Variants in PHACTR2 observed in about 807,000 individuals in gnomAD.
The protein encoded by PHACTR2 is phosphatase and actin regulator 2, also known as chromosome 6 open reading frame 56.
A neutral mutation model predicts 76.0 loss-of-function variants in PHACTR2; 30 were observed. The ratio of observed to expected loss-of-function variants is 0.39; its 90% CI spans 0.30 to 0.54. The LOEUF is 0.54. Among genes scored for constraint, PHACTR2 ranks in the 20% least tolerant of loss-of-function variants. The pLI is 0.61. For missense variants in PHACTR2, 696 were observed against 781.1 expected (o/e 0.89, Z 1.30); for synonymous variants, 292 against 292.5 (o/e 1.00, Z 0.02).
At chr6:143,560,909 GT>G (rs1562684416) in intron 1 of PHACTR2, among the ~76,000 whole-genome samples, 3 of 151,164 alleles carry the variant, frequency 2.0e-5, no homozygotes, top group African/African-American at 7.3e-5. Context: ...GTGTGTGTGT[GT>G]GTGTGTGTGT....
rs115015674 is a variant in PHACTR2, at chr6:143,817,160, A to G, written c.1923-6514A>G. 2.2e-3 allele frequency among the ~76,000 whole-genome samples: 330 copies of G among 149,078 alleles called. 1 individual carries two copies. Among genetic ancestry groups the G allele is most frequent in the African/African-American group, 7.9e-3 (318 of 40,334 alleles). Reference sequence around the variant, plus strand: ...ATTTCATTTACCTTCTTCATCCCACAGACATTACCAATGGAGAGAGAAAAC... The same window carrying G: ...ATTTCATTTACCTTCTTCATCCCACGGACATTACCAATGGAGAGAGAAAAC... On this transcript the variant is annotated intron_variant, in intron 12 of 12. Coordinates refer to ENST00000440869, the MANE Select transcript of PHACTR2 (RefSeq NM_001100164.2).
At position 143,765,653 on chromosome 6, in the gene PHACTR2, A is replaced by G. The variant is rs1028392259; in HGVS notation, c.1087A>G (p.Thr363Ala). The part of the protein sequence containing the change: ...LEDQCITASD[T>A]PVVLVSVGAD... The stretch of plus-strand genomic sequence containing the variant: ...GGATCAGTGCATTACTGCCTCAGAC[A>G]CTCCAGTTGTCCTCGTCAGCGTTGG... Residue 363 changes from threonine to alanine, a missense_variant, in exon 6 of 13, where the codon ACT becomes GCT. By Grantham distance (58) the Thr-to-Ala change is moderately conservative. Around this residue, in one of 2 missense-constraint regions of PHACTR2, gnomAD observed 460 missense variants for 450.9 expected, o/e 1.02. Transcript: ENST00000440869. The surrounding 1 kb of genome is among the most constrained non-coding windows in gnomAD (Gnocchi z 4.1). The G allele has an allele frequency of 5.0e-6, 8 of 1,613,582 alleles. No homozygotes were observed. In the African/African-American group the frequency reaches 9.4e-5, roughly 19 times the overall value.
chr6:143,600,149 C>T (rs1346348482), intron 1 of PHACTR2, among the ~76,000 whole-genome samples: 1 of 152,228 alleles, frequency 6.6e-6, no homozygotes, highest in African/African-American at 2.4e-5. Context: ...TGGAGGGGAA[C>T]TTGCTATGTT....
At position 143,708,836 on chromosome 6, in the gene PHACTR2, G is replaced by A. The variant is rs1014528996; in HGVS notation, c.47-3180G>A. 1.3e-5 allele frequency among the ~76,000 whole-genome samples: 2 copies of A among 152,182 alleles called. No individual in the cohort carries two copies. Among genetic ancestry groups the A allele is most frequent in the Non-Finnish European group, 2.9e-5 (2 of 68,028 alleles). ...TGTTCTTAATTGCTTCAGAGGGAAA[G>A]TAGAATTTTTATGCAGCATCAGGGA... On this transcript the variant is annotated intron_variant, in intron 1 of 12. Transcript: ENST00000440869. The surrounding 1 kb of genome is among the most constrained non-coding windows in gnomAD (Gnocchi z 5.5).
chr6:143,780,799 T>C lies in PHACTR2; in HGVS notation c.1646-2420T>C, dbSNP rs1775410619. On this transcript the variant is annotated intron_variant, in intron 9 of 12. Transcript: ENST00000440869. This position sits in a 1 kb window ranked among gnomAD's most constrained non-coding sequence, Gnocchi z 4.4. ...GAGCAAGATTTGTCAATGAACCACG[T>C]CACTTCCTTCATGCATATCCCACCA... Among the ~76,000 whole-genome samples the C allele has an allele frequency of 6.6e-6, 1 of 152,190 alleles. No individual in the cohort carries two copies. Among genetic ancestry groups the C allele is most frequent in the South Asian group, 2.1e-4 (1 of 4,832 alleles).
At chr6:143,573,676 T>C (rs571147500) in intron 1 of PHACTR2, among the ~76,000 whole-genome samples, 1 of 152,338 alleles carries the variant, frequency 6.6e-6, no homozygotes, top group African/African-American at 2.4e-5. Flanking sequence ...TCATGTTATT[T>C]GTCCCTGTGT....
chr6:143,721,532 T>C (rs899281573), intron 2 of PHACTR2, among the ~76,000 whole-genome samples: 14 of 152,224 alleles, frequency 9.2e-5, no homozygotes, highest in Admixed American at 4.6e-4. Context: ...CATGCAGTCA[T>C]TGAGCTTCTC....
In PHACTR2 at chr6:143,549,605, T is replaced by C. The variant is rs1033718463; in HGVS notation, c.217+12398T>C. On this transcript the variant is annotated intron_variant, in intron 1 of 11. Coordinates refer to the PHACTR2 transcript ENST00000367584. The surrounding 1 kb of genome is among the most constrained non-coding windows in gnomAD (Gnocchi z 4.2). ...AAGCAGCTATGGAGGGAGAAAGGTG[T>C]TTTGAAATTTCTGGTGCTGAAAAAC... 4.5e-4 allele frequency among the ~76,000 whole-genome samples: 69 copies of C among 151,908 alleles called. No homozygotes were observed. Among genetic ancestry groups the C allele is most frequent in the African/African-American group, 1.6e-3 (65 of 41,452 alleles).
intron 10 of PHACTR2, among the ~76,000 whole-genome samples, chr6:143,785,596 C>T (rs892106714): frequency 1.3e-5 from 2 of 152,194 alleles, no homozygotes; most frequent in African/African-American, 4.8e-5. Context: ...GGGTTCCAAC[C>T]CCACATTTCC....
chr6:143,588,353 T>A (rs949700016), intron 1 of PHACTR2, among the ~76,000 whole-genome samples: 15 of 152,204 alleles, frequency 9.9e-5, no homozygotes, highest in African/African-American at 3.6e-4. Flanking sequence ...TTGAGAACAT[T>A]TCATTTTTAG....
In PHACTR2 at chr6:143,619,784, G is replaced by T. The variant is rs1776119610; in HGVS notation, c.13+11462G>T. ...CTCCATTTTTAAAGCAGCTTGACTT[G>T]GGGCATTTTTAATAAGGGGATAAAA... On this transcript the variant is annotated intron_variant, in intron 1 of 11. Transcript: ENST00000305766. This position sits in a 1 kb window ranked among gnomAD's most constrained non-coding sequence, Gnocchi z 4.5. 6.6e-6 allele frequency among the ~76,000 whole-genome samples: 1 copy of T among 152,112 alleles called. No individual in the cohort carries two copies. The highest frequency in any genetic ancestry group is 2.1e-4 in the South Asian group (1 of 4,818).
chr6:143,817,642 A>T (rs750275856), intron 12 of PHACTR2, among the ~76,000 whole-genome samples: 6 of 152,236 alleles, frequency 3.9e-5, no homozygotes, highest in Non-Finnish European at 8.8e-5. Context: ...AAATTGTGGT[A>T]TACATACACA....
At position 143,672,504 on chromosome 6, in the gene PHACTR2, C is replaced by T. The variant is rs902887357; in HGVS notation, c.14-39512C>T. On this transcript the variant is annotated intron_variant, in intron 1 of 11. Coordinates refer to the PHACTR2 transcript ENST00000305766. The surrounding 1 kb of genome is among the most constrained non-coding windows in gnomAD (Gnocchi z 5.8). The stretch of plus-strand genomic sequence containing the variant: ...AAAAAAGCTGCAAGCAATAAACAAA[C>T]AAATACAGTTAATTCTGACCACCTA... 6.6e-6 allele frequency among the ~76,000 whole-genome samples: 1 copy of T among 152,006 alleles called. No homozygotes were observed. Among genetic ancestry groups the T allele is most frequent in the African/African-American group, 2.4e-5 (1 of 41,416 alleles).
chr6:143,795,023 T>C lies in PHACTR2; in HGVS notation c.1845+6113T>C, dbSNP rs1251525598. ...GTTGTGGTGGGGAATCTCCGGAATC[T>C]GGTAGTCTGGTTAAATGGCTCATGT... On this transcript the variant is annotated intron_variant, in intron 11 of 12. Transcript: ENST00000440869. The surrounding 1 kb of genome is among the most constrained non-coding windows in gnomAD (Gnocchi z 4.8). 6.6e-6 allele frequency among the ~76,000 whole-genome samples: 1 copy of C among 152,162 alleles called. No homozygotes were observed. Among genetic ancestry groups the C allele is most frequent in the Non-Finnish European group, 1.5e-5 (1 of 68,012 alleles).
At chr6:143,690,915 A>G (rs1168534340) in intron 1 of PHACTR2, among the ~76,000 whole-genome samples, 1 of 152,172 alleles carries the variant, frequency 6.6e-6, no homozygotes, top group Non-Finnish European at 1.5e-5. Context: ...TTTTTATTTT[A>G]GGGATGCGTC....
At position 143,733,252 on chromosome 6, in the gene PHACTR2, G is replaced by A. The variant is rs144638946; in HGVS notation, c.215-15733G>A. Among the ~76,000 whole-genome samples, 40 of 151,884 alleles carry A rather than the reference G, an allele frequency of 2.6e-4. No individual in the cohort carries two copies. In the East Asian group the frequency reaches 4.8e-3, roughly 18 times the overall value. On this transcript the variant is annotated intron_variant, in intron 2 of 12. Transcript: ENST00000440869. This position sits in a 1 kb window ranked among gnomAD's most constrained non-coding sequence, Gnocchi z 4.0. ...TTCATTTTCCATAGCACATTTTACCGTCTAACATCTATAAATTATTTCTAT... is the reference window on the plus strand; with the variant it reads ...TTCATTTTCCATAGCACATTTTACCATCTAACATCTATAAATTATTTCTAT...
In PHACTR2 at chr6:143,722,653, G is replaced by T. The variant is rs764783900; in HGVS notation, c.214+10470G>T. Among the ~76,000 whole-genome samples, 10 of 151,942 alleles carry T rather than the reference G, an allele frequency of 6.6e-5. No individual in the cohort carries two copies. The highest frequency in any genetic ancestry group is 1.2e-4 in the Non-Finnish European group (8 of 67,970). On this transcript the variant is annotated intron_variant, in intron 2 of 12. Coordinates refer to ENST00000440869, the MANE Select transcript of PHACTR2 (RefSeq NM_001100164.2). The surrounding 1 kb of genome is among the most constrained non-coding windows in gnomAD (Gnocchi z 4.1). ...AGTTCCACTCTTTTAGTTATTTTGA[G>T]ATATACAATATTGTTAGCTATAGTC...
At chr6:143,606,118 G>C (rs1006508333), upstream of PHACTR2, among the ~76,000 whole-genome samples, 1 of 152,126 alleles carries the variant, frequency 6.6e-6, no homozygotes. Flanking sequence ...AGCAGGATCT[G>C]GGAAGATTCT....
intron 1 of PHACTR2, among the ~76,000 whole-genome samples, chr6:143,588,426 T>C (rs1205216550): frequency 2.2e-5 from 3 of 134,074 alleles, no homozygotes; most frequent in Non-Finnish European, 4.9e-5. Flanking sequence ...AGAGCCGCTT[T>C]GATGAAAAGA....
Sources: allele counts gnomAD v4.1 joint callset (sites outside exome capture counted in the v4.1 genomes callset), GRCh38; gene constraint gnomAD v4.1.1; regional missense constraint gnomAD v4.1.1; non-coding constraint Gnocchi (gnomAD v3.1); transcripts MANE v1.5; gene names NCBI Gene and HGNC (gene_info 2026-07-23, HGNC 2026-07-21).